Variants in FSTL4 observed in about 807,000 individuals in gnomAD.
FSTL4 encodes follistatin like 4, also known as follistatin-related protein 4.
In FSTL4, 28 loss-of-function variants were observed where a neutral mutation model predicts 78.2. The ratio of observed to expected loss-of-function variants is 0.36; its 90% CI spans 0.27 to 0.49. FSTL4 has a LOEUF of 0.49. Ranked by LOEUF, FSTL4 falls within the 20% of genes least tolerant of loss-of-function variation. The probability of loss-of-function intolerance (pLI) is 0.98; values close to 1 mark genes in which losing one functional copy is unlikely to be tolerated. For missense variants in FSTL4, 922 were observed against 1,084.9 expected (o/e 0.85, Z 2.11); for synonymous variants, 422 against 440.5 (o/e 0.96, Z 0.53).
At chr5:133,482,404 A>G (rs1356696028) in intron 3 of FSTL4, among the ~76,000 whole-genome samples, 2 of 152,216 alleles carry the variant, frequency 1.3e-5, no homozygotes, top group Admixed American at 6.5e-5. Context: ...CCCATGAAAC[A>G]TAACTGGCAA....
Position 133,220,860 on chromosome 5 carries a change from C to CCTCAGCGTGGGAAACA in FSTL4, c.1345_1346insTGTTTCCCACGCTGAG (p.Ser449MetfsTer28). On this transcript the variant is annotated frameshift_variant, in exon 12 of 16. Coordinates refer to ENST00000265342, the MANE Select transcript of FSTL4 (RefSeq NM_015082.2). LOFTEE classifies it high-confidence loss of function. ...GAAGACATAGAACATGTTTCCCACG[C>CCTCAGCGTGGGAAACA]TGAGGCCTGGGAGGAGCAAATGGAA... The CCTCAGCGTGGGAAACA allele has an allele frequency of 6.2e-7, 1 of 1,600,334 alleles. No homozygotes were observed. Among genetic ancestry groups the CCTCAGCGTGGGAAACA allele is most frequent in the Non-Finnish European group, 8.6e-7 (1 of 1,167,388 alleles).
the FSTL4 span, among the ~76,000 whole-genome samples, chr5:133,809,645 A>G: frequency 6.6e-6 from 1 of 152,208 alleles, no homozygotes; most frequent in Non-Finnish European, 1.5e-5. Context: ...TCATATAGAA[A>G]TAAATCCCAA....
intron 6 of FSTL4, among the ~76,000 whole-genome samples, chr5:133,255,882 T>C (rs528173551): frequency 6.6e-6 from 1 of 152,164 alleles, no homozygotes; most frequent in African/African-American, 2.4e-5. Context: ...TCAGGCGCTA[T>C]TTCTCACACT....
chr5:133,221,044 A>G, intron 11 of FSTL4, 178 bp from the exon 12 acceptor site: 1 of 696,434 alleles, frequency 1.4e-6, no homozygotes, highest in South Asian at 1.5e-5. Flanking sequence ...GGATGGGTGC[A>G]GAGAGGGCCC....
intron 6 of FSTL4, among the ~76,000 whole-genome samples, chr5:133,281,267 G>C (rs1428143): frequency 0.58 from 88,288 of 151,908 alleles, 26,007 homozygotes; most frequent in Middle Eastern, 0.67. Context: ...AAGGTCTTGA[G>C]TCCAGAGACC....
intron 3 of FSTL4, among the ~76,000 whole-genome samples, chr5:133,402,078 C>A (rs1756241700): frequency 6.6e-6 from 1 of 152,226 alleles, no homozygotes; most frequent in Non-Finnish European, 1.5e-5. Flanking sequence ...TTCTCCATGA[C>A]ACACGTCATC....
chr5:133,572,621 C>G (rs1760184170), intron 2 of FSTL4, among the ~76,000 whole-genome samples: 1 of 151,880 alleles, frequency 6.6e-6, no homozygotes, highest in South Asian at 2.1e-4. Flanking sequence ...CACCAACAAG[C>G]ATTAAAAAAA....
chr5:133,346,007 G>A (rs888274531), intron 4 of FSTL4, among the ~76,000 whole-genome samples: 4 of 152,164 alleles, frequency 2.6e-5, no homozygotes, highest in African/African-American at 4.8e-5. Flanking sequence ...GCCCATCAAC[G>A]GTAGACTGGA....
intron 6 of FSTL4, among the ~76,000 whole-genome samples, chr5:133,285,446 G>T (rs1182887636): frequency 2.0e-5 from 3 of 152,168 alleles, no homozygotes; most frequent in Non-Finnish European, 2.9e-5. Flanking sequence ...GGTACCAAAG[G>T]TTCTCTCTGA....
At chr5:133,398,722 A>G (rs1024210145) in intron 4 of FSTL4, among the ~76,000 whole-genome samples, 7 of 152,126 alleles carry the variant, frequency 4.6e-5, no homozygotes, top group Admixed American at 1.3e-4. Flanking sequence ...CCCATTTTAC[A>G]GTCGAGGAAA....
intron 3 of FSTL4, among the ~76,000 whole-genome samples, chr5:133,521,192 AGGTAC>A (rs1758974230): frequency 6.6e-6 from 1 of 152,108 alleles, no homozygotes. Context: ...ACTTAACCTT[AGGTAC>A]AGCAGTCTTT....
At chr5:133,583,753 TA>T (rs1760490282) in intron 2 of FSTL4, 1 of 15,700 alleles carries the variant, frequency 6.4e-5, no homozygotes, top group Non-Finnish European at 1.4e-4. Flanking sequence ...CTTGCTTAGG[TA>T]AACAAAGCAG....
chr5:133,778,100 G>A, the FSTL4 span, among the ~76,000 whole-genome samples: 1 of 152,230 alleles, frequency 6.6e-6, no homozygotes, highest in Non-Finnish European at 1.5e-5. Flanking sequence ...GCATCCTCGA[G>A]GTCCTTGGGG....
At position 133,383,376 on chromosome 5, in the gene FSTL4, C is replaced by T. The variant is rs115792486; in HGVS notation, c.409+17362G>A. Among the ~76,000 whole-genome samples, 636 of 152,228 alleles carry T rather than the reference C, an allele frequency of 4.2e-3. 7 individuals carry two copies. Among genetic ancestry groups the T allele is most frequent in the African/African-American group, 0.015 (614 of 41,538 alleles). ...TTGAGATTCCTGGGGCTAGAAACTC[C>T]CAACCAGAGAGTCTCAGTGGTGGTG... On this transcript the variant is annotated intron_variant, in intron 4 of 15. Coordinates refer to ENST00000265342, the MANE Select transcript of FSTL4 (RefSeq NM_015082.2).
At chr5:133,572,317 T>C (rs1760175830) in intron 2 of FSTL4, among the ~76,000 whole-genome samples, 2 of 152,152 alleles carry the variant, frequency 1.3e-5, no homozygotes, top group Non-Finnish European at 2.9e-5. Flanking sequence ...TGTGCACATT[T>C]GCTATACAGG....
intron 3 of FSTL4, among the ~76,000 whole-genome samples, chr5:133,510,813 G>A (rs1046520080): frequency 1.3e-5 from 2 of 152,044 alleles, no homozygotes; most frequent in African/African-American, 2.4e-5. Flanking sequence ...GGATCTGAGC[G>A]CAAGGCTAGA....
At chr5:133,689,605 C>A in the FSTL4 span, among the ~76,000 whole-genome samples, 1 of 152,306 alleles carries the variant, frequency 6.6e-6, no homozygotes, top group Middle Eastern at 3.4e-3. Context: ...CTCAAGGAAC[C>A]ACAGTACCCT....
chr5:133,764,343 C>T, the FSTL4 span, among the ~76,000 whole-genome samples: 312 of 152,084 alleles, frequency 2.1e-3, no homozygotes, highest in Non-Finnish European at 4.0e-3. Flanking sequence ...CTTCTTTCAC[C>T]TATTGAATCA....
At chr5:133,663,165 T>C in the FSTL4 span, among the ~76,000 whole-genome samples, 2 of 151,220 alleles carry the variant, frequency 1.3e-5, no homozygotes, top group African/African-American at 4.9e-5. Context: ...CGGTGATGGT[T>C]ACTTGAATCT....
Sources: gnomAD v4.1 joint callset for allele counts (sites outside exome capture counted in the v4.1 genomes callset) on GRCh38, gnomAD v4.1.1 for gene constraint, MANE v1.5 for transcripts, NCBI Gene and HGNC (gene_info 2026-07-23, HGNC 2026-07-21) for gene names.